SCLT1: variants seen among roughly 807,000 people sequenced by gnomAD.
SCLT1 encodes the protein sodium channel and clathrin linker 1.
A neutral mutation model predicts 112.8 loss-of-function variants in SCLT1; 78 were observed. The observed-to-expected ratio is 0.69, with a 90% CI of 0.58 to 0.83. SCLT1 has a LOEUF of 0.83. Ranked by LOEUF, SCLT1 falls within the 40% of genes least tolerant of loss-of-function variation. SCLT1 has a pLI of 0.00. For synonymous variants in SCLT1, 257 were observed against 254.7 expected (o/e 1.01, Z -0.09); for missense variants, 747 against 770.4 (o/e 0.97, Z 0.36).
At chr4:129,091,489 C>G (rs1488085038) in intron 1 of SCLT1, among the ~76,000 whole-genome samples, 1 of 151,998 alleles carries the variant, frequency 6.6e-6, no homozygotes, top group Non-Finnish European at 1.5e-5. Flanking sequence ...TTAATAGTTT[C>G]TGACCACCTC....
At chr4:128,975,039 A>ATTTTTTTTTTTTTTTT (rs1579564140) in intron 9 of SCLT1, among the ~76,000 whole-genome samples, 2 of 60,134 alleles carry the variant, frequency 3.3e-5, no homozygotes, top group African/African-American at 2.5e-4. Flanking sequence ...TTGAATGACA[A>ATTTTTTTTTTTTTTTT]CTTTTTTTTT....
At chr4:128,963,606 C>T (rs1167511798) in intron 11 of SCLT1, among the ~76,000 whole-genome samples, 1 of 152,146 alleles carries the variant, frequency 6.6e-6, no homozygotes, top group African/African-American at 2.4e-5. Context: ...TTCTACTACT[C>T]CTGTTCAATA....
chr4:128,967,815 G>A (rs1392155805), intron 10 of SCLT1, among the ~76,000 whole-genome samples: 1 of 152,038 alleles, frequency 6.6e-6, no homozygotes, highest in Non-Finnish European at 1.5e-5. Flanking sequence ...TTACTCTGTT[G>A]ATAGTTTCCT....
intron 2 of SCLT1, among the ~76,000 whole-genome samples, chr4:129,078,541 T>TG (rs1751659003): frequency 6.6e-6 from 1 of 151,880 alleles, no homozygotes; most frequent in South Asian, 2.1e-4. Flanking sequence ...TGCATAAAAA[T>TG]TATATATTAT....
intron 9 of SCLT1, among the ~76,000 whole-genome samples, chr4:128,978,487 A>G (rs951607941): frequency 1.3e-5 from 2 of 152,154 alleles, no homozygotes; most frequent in Non-Finnish European, 2.9e-5. Context: ...AGAAGAAATC[A>G]TGGCATAAAC....
chr4:128,990,701 T>A (rs1177237905), intron 9 of SCLT1, among the ~76,000 whole-genome samples: 1 of 151,206 alleles, frequency 6.6e-6, no homozygotes, highest in East Asian at 1.9e-4. Flanking sequence ...AACCTAAAGA[T>A]TCAACCAACA....
intron 18 of SCLT1, among the ~76,000 whole-genome samples, chr4:128,921,268 C>A (rs1268446989): frequency 2.0e-5 from 3 of 152,080 alleles, no homozygotes; most frequent in Non-Finnish European, 4.4e-5. Flanking sequence ...ATCAAACTAC[C>A]AATGACATTC....
intron 1 of SCLT1, among the ~76,000 whole-genome samples, chr4:129,092,219 GC>G (rs1579992925): frequency 6.6e-6 from 1 of 152,038 alleles, no homozygotes; most frequent in East Asian, 1.9e-4. Flanking sequence ...TCACCATCCA[GC>G]CCCTTTCTAC....
intron 5 of SCLT1, among the ~76,000 whole-genome samples, chr4:129,006,849 C>T (rs977859475): frequency 1.3e-5 from 2 of 152,172 alleles, no homozygotes; most frequent in African/African-American, 4.8e-5. Context: ...AATTCTAAGA[C>T]ATCATTATTT....
At chr4:128,987,608 C>A (rs1374401272) in intron 9 of SCLT1, among the ~76,000 whole-genome samples, 2 of 151,988 alleles carry the variant, frequency 1.3e-5, no homozygotes, top group South Asian at 2.1e-4. Flanking sequence ...TCAGAAGAAT[C>A]CATGAGCTTG....
chr4:128,950,476 A>G (rs1225866396), intron 14 of SCLT1, among the ~76,000 whole-genome samples: 2 of 152,226 alleles, frequency 1.3e-5, no homozygotes, highest in Non-Finnish European at 2.9e-5. Context: ...AGCAAACATT[A>G]AAAATTACTA....
At chr4:128,944,527 T>C (rs1737978362) in intron 16 of SCLT1, 1 of 152,116 alleles carries the variant, frequency 6.6e-6, no homozygotes, top group Non-Finnish European at 1.5e-5. Flanking sequence ...AGAACTCAGT[T>C]TTTAAAACAA....
intron 2 of SCLT1, among the ~76,000 whole-genome samples, chr4:129,049,464 C>A (rs1186391337): frequency 8.3e-6 from 1 of 120,484 alleles, no homozygotes; most frequent in African/African-American, 3.3e-5. Context: ...GAACATCACA[C>A]TCTGGGGACT....
At chr4:128,880,884 A>G (rs191564184), downstream of SCLT1, among the ~76,000 whole-genome samples, 5 of 152,278 alleles carry the variant, frequency 3.3e-5, no homozygotes, top group East Asian at 9.7e-4. Context: ...AGCCGTATCT[A>G]TTCTCTGGAG....
intron 6 of SCLT1, among the ~76,000 whole-genome samples, chr4:129,002,703 T>C (rs1743622148): frequency 6.6e-6 from 1 of 152,130 alleles, no homozygotes; most frequent in Admixed American, 6.6e-5. Context: ...TTACTGGTCA[T>C]TAGAGGAATG....
intron 6 of SCLT1, among the ~76,000 whole-genome samples, chr4:129,002,136 A>C (rs536707721): frequency 7.9e-5 from 12 of 152,054 alleles, no homozygotes; most frequent in Admixed American, 1.3e-4. Context: ...CCGAATTTTC[A>C]GATAATTATC....
intron 1 of SCLT1, among the ~76,000 whole-genome samples, chr4:129,091,088 G>A (rs1752786086): frequency 6.6e-6 from 1 of 152,078 alleles, no homozygotes; most frequent in African/African-American, 2.4e-5. Context: ...GTGGAAAGAA[G>A]GCAAGTGATC....
At chr4:128,926,199 G>C (rs1209549039) in intron 18 of SCLT1, among the ~76,000 whole-genome samples, 1 of 151,898 alleles carries the variant, frequency 6.6e-6, no homozygotes, top group Non-Finnish European at 1.5e-5. Flanking sequence ...TGTTCATTTT[G>C]AAGCTTGTTT....
chr4:129,066,621 A>G (rs1750511097), intron 2 of SCLT1, among the ~76,000 whole-genome samples: 2 of 152,108 alleles, frequency 1.3e-5, no homozygotes, highest in African/African-American at 4.8e-5. Flanking sequence ...TTAAAGAATT[A>G]GACAAAATCT....
Sources: allele counts gnomAD v4.1 joint callset (sites outside exome capture counted in the v4.1 genomes callset), GRCh38; gene constraint gnomAD v4.1.1; transcripts MANE v1.5; gene names NCBI Gene and HGNC (gene_info 2026-07-23, HGNC 2026-07-21).